Variants in GPBP1 observed in about 807,000 individuals in gnomAD.
GPBP1 encodes the protein GC-rich promoter binding protein 1, also known as vasculin.
GPBP1 carries 13 observed loss-of-function variants against 56.5 expected under a neutral mutation model. The observed-to-expected ratio is 0.23, with a 90% CI of 0.15 to 0.37. The LOEUF is 0.37. Ranked by LOEUF, GPBP1 falls within the 10% of genes least tolerant of loss-of-function variation. The pLI is 1.00. For missense variants in GPBP1, 477 were observed against 572.3 expected (o/e 0.83, Z 1.70); for synonymous variants, 204 against 188.9 (o/e 1.08, Z -0.66).
rs1455777575 is a variant in GPBP1 at position 57,264,133 on chromosome 5, C to T, written c.*1381C>T. 6.6e-6 allele frequency: 1 copy of T among 152,072 alleles called. No homozygotes were observed. 9.4% of individuals were successfully genotyped at this position (152,072 alleles called of 1,614,324 possible). ...TTATTTTTTTTTGTTGTTGTTCCCACTGAGACTGATGGTGATGGGGAAATT... is the reference window on the plus strand; with the variant it reads ...TTATTTTTTTTTGTTGTTGTTCCCATTGAGACTGATGGTGATGGGGAAATT... On this transcript the variant is annotated 3_prime_UTR_variant, in exon 12 of 12. Transcript: ENST00000506184.
intron 5 of GPBP1, among the ~76,000 whole-genome samples, chr5:57,235,255 T>C (rs1756613186): frequency 6.6e-6 from 1 of 151,914 alleles, no homozygotes; most frequent in Non-Finnish European, 1.5e-5. Context: ...TCCAGTGAGC[T>C]GAGATCGTAC....
At chr5:57,187,341 G>A (rs927908278) in intron 2 of GPBP1, among the ~76,000 whole-genome samples, 3 of 152,146 alleles carry the variant, frequency 2.0e-5, no homozygotes, top group Admixed American at 2.0e-4. Flanking sequence ...TGAGAAAGTA[G>A]GATGTAAAAG....
chr5:57,262,971 T>G lies in GPBP1; in HGVS notation c.*219T>G. 2.4e-6 allele frequency: 1 copy of G among 414,302 alleles called. No homozygotes were observed. The highest frequency in any genetic ancestry group is 4.9e-5 in the South Asian group (1 of 20,302). 25.7% of individuals were successfully genotyped at this position (414,302 alleles called of 1,614,324 possible). ...AATGTTGTAGGAATGAGGACTTGGG[T>G]TGGTCCAACATTGACTTTCTTCATC... On this transcript the variant is annotated 3_prime_UTR_variant, in exon 12 of 12. Coordinates refer to ENST00000506184, the MANE Select transcript of GPBP1 (RefSeq NM_022913.4).
Position 57,175,913 on chromosome 5 carries a change from C to G in GPBP1, c.-545C>G, listed in dbSNP as rs1346821295. 1 of 398,270 alleles carries G rather than the reference C, an allele frequency of 2.5e-6. No homozygotes were observed. The highest frequency in any genetic ancestry group is 4.4e-6 in the Non-Finnish European group (1 of 225,970). 24.7% of individuals were successfully genotyped at this position (398,270 alleles called of 1,614,324 possible). The stretch of plus-strand genomic sequence containing the variant: ...TTCATGTCACAATGGGACACTTTTT[C>G]TGAATGAAGAGATTGAAAGAATACA... On this transcript the variant is annotated 5_prime_UTR_variant, in exon 2 of 12. Transcript: ENST00000506184.
chr5:57,220,834 T>G (rs192274419), intron 3 of GPBP1, among the ~76,000 whole-genome samples: 4,099 of 152,206 alleles, frequency 0.027, 117 homozygotes, highest in East Asian at 0.13. Flanking sequence ...CACAATACTT[T>G]CTAGTGATAC....
chr5:57,198,660 CCAACATGGTA>C (rs142439427), intron 2 of GPBP1, among the ~76,000 whole-genome samples: 2,963 of 152,066 alleles, frequency 0.019, 75 homozygotes, highest in African/African-American at 0.067. Flanking sequence ...ACGAGCCTGG[CCAACATGGTA>C]CAACCTTGTC....
At chr5:57,243,077 C>CT (rs544008523) in intron 6 of GPBP1, among the ~76,000 whole-genome samples, 1 of 146,318 alleles carries the variant, frequency 6.8e-6, no homozygotes, top group African/African-American at 2.5e-5. Context: ...TTGTTTTTTT[C>CT]TTTTTTTTGA....
At chr5:57,253,249 GAA>G (rs1222019594) in intron 10 of GPBP1, among the ~76,000 whole-genome samples, 2 of 152,170 alleles carry the variant, frequency 1.3e-5, no homozygotes, top group Non-Finnish European at 2.9e-5. Context: ...CGAAAGCAAA[GAA>G]AGTTAATAGT....
chr5:57,250,866 A>C, intron 9 of GPBP1, 88 bp from the exon 10 acceptor site: 1 of 883,276 alleles, frequency 1.1e-6, no homozygotes, highest in Non-Finnish European at 1.7e-6. Flanking sequence ...TTTTCAATGG[A>C]AGCTTAGTTA....
chr5:57,246,661 G>A (rs1741105194), intron 7 of GPBP1, among the ~76,000 whole-genome samples, 177 bp downstream of exon 7: 1 of 151,974 alleles, frequency 6.6e-6, no homozygotes, highest in Non-Finnish European at 1.5e-5. Flanking sequence ...GTGTGTGCGT[G>A]TGTGTGGTTT....
intron 10 of GPBP1, among the ~76,000 whole-genome samples, chr5:57,253,532 A>G (rs1741486526): frequency 1.3e-5 from 2 of 152,236 alleles, no homozygotes; most frequent in Non-Finnish European, 1.5e-5. Context: ...CATAAGCTAC[A>G]TGAGGCCAAA....
intron 10 of GPBP1, among the ~76,000 whole-genome samples, chr5:57,252,473 C>G (rs1741442182): frequency 6.6e-6 from 1 of 152,040 alleles, no homozygotes; most frequent in African/African-American, 2.4e-5. Flanking sequence ...TCACTGTAAC[C>G]TCTGTCTCCC....
chr5:57,191,025 C>A (rs536422500), intron 2 of GPBP1, among the ~76,000 whole-genome samples: 1 of 152,150 alleles, frequency 6.6e-6, no homozygotes, highest in East Asian at 1.9e-4. Context: ...ATCTGCCCGC[C>A]TTGGCCTCCC....
intron 2 of GPBP1, among the ~76,000 whole-genome samples, chr5:57,180,260 C>A (rs373164477): frequency 1.3e-5 from 2 of 151,926 alleles, no homozygotes; most frequent in East Asian, 1.9e-4. Flanking sequence ...GGTTACAGGT[C>A]CCCGCTGCCA....
At chr5:57,216,257 T>G (rs1162700321) in intron 3 of GPBP1, among the ~76,000 whole-genome samples, 2 of 152,280 alleles carry the variant, frequency 1.3e-5, no homozygotes, top group African/African-American at 4.8e-5. Context: ...CCTCTCCCAG[T>G]AAGGTGTACC....
At chr5:57,185,074 A>G (rs1037057939) in intron 2 of GPBP1, among the ~76,000 whole-genome samples, 1 of 152,202 alleles carries the variant, frequency 6.6e-6, no homozygotes, top group African/African-American at 2.4e-5. Flanking sequence ...TGTTGCAAAT[A>G]AAGTGAATAG....
At chr5:57,191,086 G>GT (rs1361663329) in intron 2 of GPBP1, among the ~76,000 whole-genome samples, 2 of 150,204 alleles carry the variant, frequency 1.3e-5, no homozygotes, top group South Asian at 2.1e-4. Flanking sequence ...CCTCTTAGCT[G>GT]TTTTTTTCTT....
chr5:57,182,436 G>A (rs1202799943), intron 2 of GPBP1, among the ~76,000 whole-genome samples: 4 of 150,682 alleles, frequency 2.7e-5, no homozygotes, highest in Non-Finnish European at 3.0e-5. Context: ...GCAGTGGTGC[G>A]ATCTCGGTTC....
Position 57,264,127 on chromosome 5 carries a change from T to C in GPBP1, c.*1375T>C, listed in dbSNP as rs1742016421. On this transcript the variant is annotated 3_prime_UTR_variant, in exon 12 of 12. Transcript: ENST00000506184. ...AAACTGTTATTTTTTTTTGTTGTTG[T>C]TCCCACTGAGACTGATGGTGATGGG... 1 of 152,166 alleles carries C rather than the reference T, an allele frequency of 6.6e-6. No individual in the cohort carries two copies. The highest frequency in any genetic ancestry group is 2.4e-5 in the African/African-American group (1 of 41,440). 9.4% of individuals were successfully genotyped at this position (152,166 alleles called of 1,614,324 possible).
Sources: gnomAD v4.1 joint callset for allele counts (sites outside exome capture counted in the v4.1 genomes callset) on GRCh38, gnomAD v4.1.1 for gene constraint, MANE v1.5 for transcripts, NCBI Gene and HGNC (gene_info 2026-07-23, HGNC 2026-07-21) for gene names.